Variants in SRGAP2C observed in about 807,000 individuals in gnomAD.
SRGAP2C encodes the protein SLIT-ROBO Rho GTPase-activating protein 2C.
A neutral mutation model predicts 25.1 loss-of-function variants in SRGAP2C; 15 were observed. The ratio of observed to expected loss-of-function variants is 0.60; its 90% CI spans 0.40 to 0.92. The LOEUF (loss-of-function observed/expected upper bound fraction) is 0.92. Among genes scored for constraint, SRGAP2C ranks in the 40% least tolerant of loss-of-function variants. SRGAP2C has a pLI of 0.00. For missense variants in SRGAP2C, 144 were observed against 264.4 expected (o/e 0.54, Z 3.16); for synonymous variants, 44 against 96.6 (o/e 0.46, Z 3.19).
intron 2 of SRGAP2C, among the ~76,000 whole-genome samples, chr1:121,201,800 C>T (rs1450795773): frequency 2.0e-5 from 3 of 152,106 alleles, no homozygotes; most frequent in South Asian, 2.1e-4. Context: ...AAAAATTATC[C>T]GATAACGTTA....
intron 2 of SRGAP2C, among the ~76,000 whole-genome samples, chr1:121,267,828 C>A (rs1241992823): frequency 2.8e-5 from 4 of 145,162 alleles, no homozygotes; most frequent in Admixed American, 1.4e-4. Context: ...TGCATCTCTC[C>A]TTTGATTTTT....
At chr1:121,384,419 ATTGC>A (rs1659910382) in intron 8 of SRGAP2C, among the ~76,000 whole-genome samples, 1 of 73,214 alleles carries the variant, frequency 1.4e-5, no homozygotes, top group Non-Finnish European at 2.8e-5. Context: ...GTTCATTTCC[ATTGC>A]TGTGGCTTAG....
chr1:121,345,646 C>CT (rs1658724220), intron 4 of SRGAP2C, among the ~76,000 whole-genome samples: 1 of 102,388 alleles, frequency 9.8e-6, no homozygotes, highest in Non-Finnish European at 2.0e-5. Context: ...CTGGGTTGCT[C>CT]TTCTTTTTTT....
chr1:121,189,939 T>C (rs1245003193), intron 2 of SRGAP2C, among the ~76,000 whole-genome samples: 1 of 142,210 alleles, frequency 7.0e-6, no homozygotes, highest in Non-Finnish European at 1.5e-5. Flanking sequence ...TGAGAAGCCC[T>C]TCCAAGGTCA....
Position 121,361,275 on chromosome 1 carries a change from A to G in SRGAP2C, c.424-4018A>G, listed in dbSNP as rs1570808486. 2.2e-5 allele frequency: 2 copies of G among 92,002 alleles called. 1 individual carries two copies. Among genetic ancestry groups the G allele is most frequent in the Non-Finnish European group, 4.7e-5 (2 of 42,390 alleles). The allele number at this position is 92,002 out of a possible 1,614,324, so 5.7% of individuals were successfully genotyped here. On this transcript the variant is annotated intron_variant, in intron 4 of 9. Transcript: ENST00000367123. ...GAACAGGTCTGAAACCTCTTTCATA[A>G]TTGGTGTTCTTTGGGAAACACTAAT... is the stretch of plus-strand genomic sequence containing the variant.
chr1:121,236,101 A>G (rs1224230624), intron 2 of SRGAP2C, among the ~76,000 whole-genome samples: 7 of 142,038 alleles, frequency 4.9e-5, no homozygotes, highest in Non-Finnish European at 1.1e-4. Flanking sequence ...CAGGATCTAT[A>G]TCCTGCACCA....
chr1:121,245,755 C>T (rs1656211579), intron 2 of SRGAP2C, among the ~76,000 whole-genome samples: 1 of 122,092 alleles, frequency 8.2e-6, no homozygotes, highest in Non-Finnish European at 1.7e-5. Context: ...ACCAGACTCT[C>T]ACACTGGGGA....
At chr1:121,249,576 ATATATT>A (rs1249260689) in intron 2 of SRGAP2C, among the ~76,000 whole-genome samples, 29 of 21,500 alleles carry the variant, frequency 1.3e-3, no homozygotes, top group South Asian at 8.4e-3. Flanking sequence ...ATATATATAT[ATATATT>A]TTTTTTTTTT....
chr1:121,323,223 TAAAG>T (rs1325450925), intron 3 of SRGAP2C, among the ~76,000 whole-genome samples: 1 of 149,258 alleles, frequency 6.7e-6, no homozygotes, highest in Non-Finnish European at 1.5e-5. Context: ...TTTCTCTCCT[TAAAG>T]AAATCCAACT....
At chr1:121,224,824 G>A (rs1203320825) in intron 2 of SRGAP2C, among the ~76,000 whole-genome samples, 2 of 151,956 alleles carry the variant, frequency 1.3e-5, no homozygotes, top group East Asian at 1.9e-4. Flanking sequence ...GGCTTCATGC[G>A]TGTGTGAGAG....
At chr1:121,188,443 C>T (rs1234273163) in intron 2 of SRGAP2C, among the ~76,000 whole-genome samples, 1 of 149,328 alleles carries the variant, frequency 6.7e-6, no homozygotes, top group African/African-American at 2.5e-5. Context: ...TAAAGAGCTG[C>T]AGCATGTGTT....
chr1:121,371,128 A>G (rs1319652088), intron 5 of SRGAP2C, among the ~76,000 whole-genome samples: 1 of 148,320 alleles, frequency 6.7e-6, no homozygotes, highest in Admixed American at 6.8e-5. Context: ...TTGCCTATCT[A>G]TATATAGATA....
chr1:121,351,064 C>T (rs2101633664), intron 4 of SRGAP2C, among the ~76,000 whole-genome samples: 1 of 148,520 alleles, frequency 6.7e-6, no homozygotes, highest in East Asian at 2.0e-4. Context: ...ACTAGGATAG[C>T]TATAATTTTA....
At chr1:121,262,825 A>T (rs1440796945) in intron 2 of SRGAP2C, among the ~76,000 whole-genome samples, 1 of 151,084 alleles carries the variant, frequency 6.6e-6, no homozygotes, top group Non-Finnish European at 1.5e-5. Context: ...TTTTTTCTAA[A>T]ATTTGGGGAA....
Position 121,270,165 on chromosome 1 carries a change from G to A in SRGAP2C, c.68-14638G>A, listed in dbSNP as rs1171056923. Among the ~76,000 whole-genome samples the A allele has an allele frequency of 2.0e-5, 3 of 146,480 alleles. No homozygotes were observed. In the Admixed American group the frequency reaches 2.1e-4, roughly 10 times the overall value. ...TGCTACATAGGCTGAGATCTTTCAA[G>A]TTGCAGAGGAAGAGAGATGTCTGAA... On this transcript the variant is annotated intron_variant, in intron 2 of 9. Transcript: ENST00000367123.
chr1:121,334,578 C>T (rs1407805076), intron 4 of SRGAP2C, among the ~76,000 whole-genome samples: 3 of 110,194 alleles, frequency 2.7e-5, no homozygotes, highest in Non-Finnish European at 3.8e-5. Context: ...CCCAGTCCTT[C>T]CGTCTTGGCC....
Position 121,272,160 on chromosome 1 carries a change from CA to C in SRGAP2C, c.68-12625del, listed in dbSNP as rs61711288. Among the ~76,000 whole-genome samples the C allele has an allele frequency of 1.3e-3, 12 of 9,194 alleles. 3 individuals carry two copies. Among genetic ancestry groups the C allele is most frequent in the Admixed American group, 1.4e-3 (1 of 698 alleles). The allele number at this position is 9,194 out of a possible 152,430, so 6.0% of individuals were successfully genotyped here. ...TGGGCAACAGAGCGAGACTCCATCT[CA>C]AAAAAAAAAAAAAAAAAGAAGAAGA... On this transcript the variant is annotated intron_variant, in intron 2 of 9. Transcript: ENST00000367123.
intron 3 of SRGAP2C, among the ~76,000 whole-genome samples, chr1:121,323,438 A>G (rs1658251681): frequency 6.6e-6 from 1 of 150,938 alleles, no homozygotes; most frequent in Non-Finnish European, 1.5e-5. Context: ...CAACATGGTG[A>G]AAACCCATCT....
intron 4 of SRGAP2C, chr1:121,361,720 T>G (rs1659195661): frequency 6.6e-6 from 1 of 152,454 alleles, no homozygotes; most frequent in East Asian, 1.9e-4. Context: ...TCCCATCCGA[T>G]AGAACCAGAA....
Sources: allele counts gnomAD v4.1 joint callset (sites outside exome capture counted in the v4.1 genomes callset), GRCh38; gene constraint gnomAD v4.1.1; transcripts MANE v1.5; gene names NCBI Gene and HGNC (gene_info 2026-07-23, HGNC 2026-07-21).